Variants in INTS14 observed in about 807,000 individuals in gnomAD.
INTS14 encodes integrator complex subunit 14, also known as UPF0464 protein C15orf44.
In INTS14, 27 loss-of-function variants were observed where a neutral mutation model predicts 56.9. The observed-to-expected ratio is 0.47, with a 90% CI of 0.35 to 0.65. The LOEUF is 0.65. Among genes scored for constraint, INTS14 ranks in the 30% least tolerant of loss-of-function variants. The pLI is 0.00. For synonymous variants in INTS14, 207 were observed against 236.2 expected (o/e 0.88, Z 1.13); for missense variants, 517 against 632.2 (o/e 0.82, Z 1.95).
At chr15:65,609,215 A>T (rs2141339198) in intron 1 of INTS14, among the ~76,000 whole-genome samples, 1 of 152,252 alleles carries the variant, frequency 6.6e-6, no homozygotes. Context: ...TGCCTCCCAA[A>T]GTGCTGGGAT....
chr15:65,597,423 C>T (rs1171890862), intron 6 of INTS14, among the ~76,000 whole-genome samples: 1 of 152,172 alleles, frequency 6.6e-6, no homozygotes, highest in Non-Finnish European at 1.5e-5. Context: ...TTAACATGCA[C>T]CTAAGATTCA....
intron 5 of INTS14, 52 bp from the exon 6 acceptor site, chr15:65,598,515 G>A (rs759649959): frequency 2.6e-6 from 4 of 1,556,334 alleles, no homozygotes; most frequent in Non-Finnish European, 3.5e-6. Flanking sequence ...TACATATGAA[G>A]TTAATTTTTC....
chr15:65,606,032 G>A (rs899940614), intron 2 of INTS14, among the ~76,000 whole-genome samples: 2 of 151,952 alleles, frequency 1.3e-5, no homozygotes, highest in East Asian at 3.9e-4. Context: ...GAGGCGGGCG[G>A]ATCATGAGGT....
At chr15:65,598,241 G>A in intron 6 of INTS14, 80 bp downstream of exon 6, 1 of 1,400,356 alleles carries the variant, frequency 7.1e-7, no homozygotes, top group Admixed American at 1.9e-5. Context: ...TTCCTAGACA[G>A]AGAAGAGAGT....
At chr15:65,609,919 G>C (rs1022038485) in intron 1 of INTS14, among the ~76,000 whole-genome samples, 4 of 152,096 alleles carry the variant, frequency 2.6e-5, no homozygotes, top group Admixed American at 1.3e-4. Flanking sequence ...CTCTGGAGCT[G>C]GCTCTTTCTC....
intron 4 of INTS14, chr15:65,599,490 T>C (rs2073347707): frequency 4.0e-6 from 1 of 251,058 alleles, no homozygotes; most frequent in Non-Finnish European, 7.6e-6. Context: ...AAGAATTCTA[T>C]ATAAGGGAAA....
chr15:65,587,651 A>G (rs2072876023), intron 9 of INTS14, among the ~76,000 whole-genome samples: 2 of 152,116 alleles, frequency 1.3e-5, no homozygotes, highest in Non-Finnish European at 2.9e-5. Context: ...AGAGCTAAAT[A>G]TTCATCCTTT....
At chr15:65,596,349 A>G (rs184123105) in intron 6 of INTS14, among the ~76,000 whole-genome samples, 1 of 152,356 alleles carries the variant, frequency 6.6e-6, no homozygotes, top group East Asian at 1.9e-4. Context: ...AAAATAAATA[A>G]AAATGAATGT....
At chr15:65,598,714 T>TA (rs1002881937) in intron 5 of INTS14, 158 bp downstream of exon 5, 52 of 734,276 alleles carry the variant, frequency 7.1e-5, no homozygotes, top group Middle Eastern at 3.9e-4. Flanking sequence ...AGATTTACTT[T>TA]AAAAAACCAT....
chr15:65,610,363 G>A (rs183328339), intron 1 of INTS14, among the ~76,000 whole-genome samples: 109 of 151,716 alleles, frequency 7.2e-4, no homozygotes, highest in African/African-American at 2.6e-3. Context: ...CGTCTTGGGT[G>A]GGGGGGAATC....
chr15:65,608,625 CAT>C (rs1219329852), intron 1 of INTS14, among the ~76,000 whole-genome samples: 1 of 152,066 alleles, frequency 6.6e-6, no homozygotes, highest in Non-Finnish European at 1.5e-5. Context: ...AAATAAATGA[CAT>C]ATGTACTACA....
At chr15:65,610,766 G>GA in intron 1 of INTS14, 1 of 1,535,682 alleles carries the variant, frequency 6.5e-7, no homozygotes, top group Non-Finnish European at 8.7e-7. Context: ...AGTCCAGACT[G>GA]AAAATCACAT....
chr15:65,595,401 G>A (rs1050173853), intron 7 of INTS14, among the ~76,000 whole-genome samples: 2 of 152,162 alleles, frequency 1.3e-5, no homozygotes, highest in Non-Finnish European at 2.9e-5. Flanking sequence ...CATTTATCAA[G>A]TAACCATCTG....
chr15:65,583,123 T>A (rs1264298605), intron 10 of INTS14, among the ~76,000 whole-genome samples: 1 of 152,060 alleles, frequency 6.6e-6, no homozygotes, highest in Non-Finnish European at 1.5e-5. Flanking sequence ...TGTGAGAGAG[T>A]GTGGCAATTC....
chr15:65,585,408 T>G (rs1425419887), intron 9 of INTS14, among the ~76,000 whole-genome samples: 1 of 152,180 alleles, frequency 6.6e-6, no homozygotes, highest in Non-Finnish European at 1.5e-5. Context: ...TAGTAGCTAC[T>G]GGATTAGACA....
chr15:65,605,904 T>A lies in INTS14; in HGVS notation c.223-668A>T, dbSNP rs548997962. ...ATATCCTTTTACAGGAAAAGAAATTTAAAAAAAATTTTTTAAGTCACTAAT... is the reference window on the plus strand; with the variant it reads ...ATATCCTTTTACAGGAAAAGAAATTAAAAAAAAATTTTTTAAGTCACTAAT... On this transcript the variant is annotated intron_variant, in intron 2 of 11. Coordinates refer to ENST00000313182, the MANE Select transcript of INTS14 (RefSeq NM_001394796.1). Among the ~76,000 whole-genome samples the A allele has an allele frequency of 2.4e-4, 36 of 152,210 alleles. No individual in the cohort carries two copies. The South Asian group carries it at 3.3e-3, about 14-fold the overall frequency.
At chr15:65,594,397 CTT>C (rs35506776) in intron 7 of INTS14, among the ~76,000 whole-genome samples, 25 of 144,574 alleles carry the variant, frequency 1.7e-4, no homozygotes, top group Admixed American at 4.1e-4. Flanking sequence ...CTTTTTCTTT[CTT>C]TTTTTTTTTT....
intron 8 of INTS14, 145 bp downstream of exon 8, chr15:65,593,283 T>G: frequency 1.0e-6 from 1 of 962,642 alleles, no homozygotes; most frequent in Non-Finnish European, 1.5e-6. Flanking sequence ...AAAAGGACTG[T>G]AGTAGCAGGT....
chr15:65,583,265 A>T (rs1439935981), intron 10 of INTS14, among the ~76,000 whole-genome samples: 1 of 152,230 alleles, frequency 6.6e-6, no homozygotes, highest in Non-Finnish European at 1.5e-5. Context: ...ATTATCCACA[A>T]TAGCCAAAAG....
Sources: allele counts gnomAD v4.1 joint callset (sites outside exome capture counted in the v4.1 genomes callset), GRCh38; gene constraint gnomAD v4.1.1; transcripts MANE v1.5; gene names NCBI Gene and HGNC (gene_info 2026-07-23, HGNC 2026-07-21).